SLC6A20: variants seen among roughly 807,000 people sequenced by gnomAD.
The protein encoded by SLC6A20 is sodium- and chloride-dependent transporter XTRP3.
Under a neutral mutation model 64.3 loss-of-function variants are expected in SLC6A20, and 73 were observed. That is an observed-to-expected ratio of 1.14 (90% CI 0.94 to 1.38). The LOEUF (loss-of-function observed/expected upper bound fraction) is 1.38, where lower values mean the gene tolerates loss of function less well. SLC6A20 is among the 40% of genes most tolerant of loss of function. The pLI is 0.00. For missense variants in SLC6A20, 725 were observed against 772.8 expected (o/e 0.94, Z 0.73); for synonymous variants, 347 against 329.6 (o/e 1.05, Z -0.57).
At chr3:45,768,980 G>A (rs1253383119) in intron 7 of SLC6A20, among the ~76,000 whole-genome samples, 1 of 152,148 alleles carries the variant, frequency 6.6e-6, no homozygotes, top group Non-Finnish European at 1.5e-5. Flanking sequence ...TGATCTGCAG[G>A]AGATATGATA....
chr3:45,779,931 C>G, intron 3 of SLC6A20, 78 bp downstream of exon 3: 5 of 1,477,038 alleles, frequency 3.4e-6, no homozygotes, highest in Non-Finnish European at 4.6e-6. Context: ...CCCACACCCC[C>G]TTCCCCGAGC....
chr3:45,776,131 A>C lies in SLC6A20; in HGVS notation c.355-143T>G. The C allele has an allele frequency of 8.1e-6, 6 of 739,772 alleles. No homozygotes were observed. In the South Asian group the frequency reaches 1.0e-4, roughly 13 times the overall value. 45.8% of individuals were successfully genotyped at this position (739,772 alleles called of 1,614,324 possible). A position where few individuals can be genotyped will look rare whatever the true frequency, so the allele number is the denominator to read the frequency against. On this transcript the variant is annotated intron_variant, in intron 3 of 10. Transcript: ENST00000358525. ...GAAGGGCAGGTGGCTGGAGCCCCTGAAGGCAGACTGGGAGTTGGAGAGTTT... is the reference window on the plus strand; with the variant it reads ...GAAGGGCAGGTGGCTGGAGCCCCTGCAGGCAGACTGGGAGTTGGAGAGTTT...
Position 45,779,722 on chromosome 3 carries a change from C to T in SLC6A20, c.354+287G>A, listed in dbSNP as rs138834973. Among the ~76,000 whole-genome samples, 12 of 152,334 alleles carry T rather than the reference C, an allele frequency of 7.9e-5. No individual in the cohort carries two copies. The East Asian group carries it at 2.3e-3, about 29-fold the overall frequency. Reference sequence around the variant, plus strand: ...TCTTAATAGTGTGTGTGTGGGGTCACATCCATCAGAGAGAATCCACTGAAA... The same window carrying T: ...TCTTAATAGTGTGTGTGTGGGGTCATATCCATCAGAGAGAATCCACTGAAA... On this transcript the variant is annotated intron_variant, in intron 3 of 10. Transcript: ENST00000358525.
At chr3:45,794,746 A>G (rs1700318945) in intron 1 of SLC6A20, among the ~76,000 whole-genome samples, 1 of 152,220 alleles carries the variant, frequency 6.6e-6, no homozygotes, top group South Asian at 2.1e-4. Flanking sequence ...TACCCAGGAT[A>G]AAGGTATCAT....
chr3:45,762,450 G>A (rs1031734100), intron 9 of SLC6A20, among the ~76,000 whole-genome samples: 8 of 152,230 alleles, frequency 5.3e-5, no homozygotes, highest in African/African-American at 1.9e-4. Flanking sequence ...CACCTGGGGA[G>A]AACTAAAACA....
intron 9 of SLC6A20, among the ~76,000 whole-genome samples, chr3:45,761,818 C>T (rs952403079): frequency 3.3e-5 from 5 of 152,188 alleles, no homozygotes; most frequent in African/African-American, 7.2e-5. Context: ...AGAAGTCCTA[C>T]GGGAAAGACA....
intron 5 of SLC6A20, chr3:45,771,661 C>T: frequency 1.3e-6 from 1 of 755,998 alleles, no homozygotes; most frequent in Non-Finnish European, 2.1e-6. Context: ...CTGCACACCT[C>T]CCAGGGCTAA....
In SLC6A20 at chr3:45,762,893, A is replaced by G. The variant is rs2125718198; in HGVS notation, c.1463+20T>C. On this transcript the variant is annotated intron_variant, in intron 9 of 10. Coordinates refer to ENST00000358525, the MANE Select transcript of SLC6A20 (RefSeq NM_020208.4). ...TGGCTGTGTTTTCCCTATGCAAATGAGGGTCCTGGGCCTCCTCACCTCCTC... is the reference window on the plus strand; with the variant it reads ...TGGCTGTGTTTTCCCTATGCAAATGGGGGTCCTGGGCCTCCTCACCTCCTC... 6.2e-7 allele frequency: 1 copy of G among 1,612,604 alleles called. No homozygotes were observed. Among genetic ancestry groups the G allele is most frequent in the Non-Finnish European group, 8.5e-7 (1 of 1,178,836 alleles).
intron 1 of SLC6A20, among the ~76,000 whole-genome samples, chr3:45,786,739 C>T (rs1700176155): frequency 6.6e-6 from 1 of 152,228 alleles, no homozygotes; most frequent in Admixed American, 6.5e-5. Flanking sequence ...TATTGCCACA[C>T]TGGTTGCCAG....
intron 1 of SLC6A20, among the ~76,000 whole-genome samples, chr3:45,788,593 C>T (rs1177861672): frequency 1.3e-5 from 2 of 152,122 alleles, no homozygotes; most frequent in African/African-American, 2.4e-5. Flanking sequence ...TCACATAATA[C>T]CATATAAATT....
intron 3 of SLC6A20, among the ~76,000 whole-genome samples, chr3:45,777,398 C>A (rs371433210): frequency 6.6e-6 from 1 of 152,188 alleles, no homozygotes; most frequent in African/African-American, 2.4e-5. Flanking sequence ...GTGTTCAAAG[C>A]TGGCCACCAA....
At chr3:45,794,639 C>T (rs1038790723) in intron 1 of SLC6A20, among the ~76,000 whole-genome samples, 3 of 152,132 alleles carry the variant, frequency 2.0e-5, no homozygotes, top group Admixed American at 2.0e-4. Context: ...CACATGCATC[C>T]CTCTGCAGAC....
chr3:45,776,126 C>T, intron 3 of SLC6A20, 138 bp from the exon 4 acceptor site: 1 of 769,234 alleles, frequency 1.3e-6, no homozygotes, highest in Non-Finnish European at 2.1e-6. Flanking sequence ...TGGCTGGAGC[C>T]CCTGAAGGCA....
At chr3:45,788,605 A>G (rs537556727) in intron 1 of SLC6A20, among the ~76,000 whole-genome samples, 1 of 152,262 alleles carries the variant, frequency 6.6e-6, no homozygotes, top group Non-Finnish European at 1.5e-5. Flanking sequence ...ATATAAATTT[A>G]TGTAATATTC....
chr3:45,765,527 C>T lies in SLC6A20; in HGVS notation c.1303+10G>A. 6.2e-7 allele frequency: 1 copy of T among 1,606,738 alleles called. No individual in the cohort carries two copies. The highest frequency in any genetic ancestry group is 1.7e-5 in the Admixed American group (1 of 58,906). On this transcript the variant is annotated intron_variant, in intron 8 of 10. Coordinates refer to ENST00000358525, the MANE Select transcript of SLC6A20 (RefSeq NM_020208.4). This position sits in a 1 kb window ranked among gnomAD's most constrained non-coding sequence, Gnocchi z 4.2. ...GACCCCTGCCTCCTCCACTGGCTGG[C>T]CCCGCTGACCTGAGATGGCCTCCTT...
At position 45,758,727 on chromosome 3, in the gene SLC6A20, C is replaced by G; in HGVS notation, c.*251G>C. ...TTCCTGGAATGAAGGATGCAGTTATCTTTGAGACCGGCTTTCATAGCCCAC... is the reference window on the plus strand; with the variant it reads ...TTCCTGGAATGAAGGATGCAGTTATGTTTGAGACCGGCTTTCATAGCCCAC... On this transcript the variant is annotated 3_prime_UTR_variant, in exon 11 of 11. Coordinates refer to ENST00000358525, the MANE Select transcript of SLC6A20 (RefSeq NM_020208.4). The G allele has an allele frequency of 2.4e-6, 3 of 1,275,312 alleles. No homozygotes were observed. The highest frequency in any genetic ancestry group is 3.0e-6 in the Non-Finnish European group (3 of 1,011,358). The allele number at this position is 1,275,312 out of a possible 1,614,324, so 79.0% of individuals were successfully genotyped here. A position where few individuals can be genotyped will look rare whatever the true frequency, so the allele number is the denominator to read the frequency against.
At chr3:45,775,708 G>C in intron 4 of SLC6A20, 53 bp downstream of exon 4, 1 of 1,545,126 alleles carries the variant, frequency 6.5e-7, no homozygotes. Flanking sequence ...CTGCCCCTTG[G>C]TGCACCCTCC....
At chr3:45,794,022 C>T (rs1700300849) in intron 1 of SLC6A20, among the ~76,000 whole-genome samples, 1 of 152,160 alleles carries the variant, frequency 6.6e-6, no homozygotes. Flanking sequence ...AGAGGTTGGG[C>T]CGGGCGGAGA....
chr3:45,763,052 A>T lies in SLC6A20; in HGVS notation c.1324T>A (p.Cys442Ser). Residue 442 changes from cysteine to serine, a missense_variant, in exon 9 of 11, where the codon TGT becomes AGT. Physicochemically the swap from Cys to Ser is moderately radical, Grantham distance 112. Coordinates refer to ENST00000358525, the MANE Select transcript of SLC6A20 (RefSeq NM_020208.4). ...AISGLVCLVN[C>S]AIGMVFTMEA... Reference sequence around the variant, plus strand: ...ATCGTGAACACCATGCCAATGGCACAGTTGACAAGGCACACCAGACCTGGG... The same window carrying T: ...ATCGTGAACACCATGCCAATGGCACTGTTGACAAGGCACACCAGACCTGGG... The T allele has an allele frequency of 6.2e-7, 1 of 1,614,130 alleles. No homozygotes were observed.
Sources: gnomAD v4.1 joint callset for allele counts (sites outside exome capture counted in the v4.1 genomes callset) on GRCh38, gnomAD v4.1.1 for gene constraint, Gnocchi (gnomAD v3.1) non-coding constraint, MANE v1.5 for transcripts, NCBI Gene and HGNC (gene_info 2026-07-23, HGNC 2026-07-21) for gene names.